RXFP2: variants seen among roughly 807,000 people sequenced by gnomAD.
The protein encoded by RXFP2 is relaxin receptor 2.
In RXFP2, 68 loss-of-function variants were observed where a neutral mutation model predicts 88.6. That is an observed-to-expected ratio of 0.77 (90% CI 0.63 to 0.94). RXFP2 has a LOEUF of 0.94. Ranked by LOEUF, RXFP2 falls within the 40% of genes least tolerant of loss-of-function variation. The pLI, the probability that RXFP2 is intolerant of heterozygous loss-of-function variation, is 0.00. For missense variants in RXFP2, 791 were observed against 893.9 expected, an observed-to-expected ratio of 0.88 and a Z score of 1.47; for synonymous variants, 329 against 306.8, an observed-to-expected ratio of 1.07 and a Z score of -0.76.
Position 31,797,288 on chromosome 13 carries a change from A to C in RXFP2, c.1874A>C (p.Glu625Ala). The C allele has an allele frequency of 6.2e-7, 1 of 1,613,982 alleles. No individual in the cohort carries two copies. Among genetic ancestry groups the C allele is most frequent in the South Asian group, 1.1e-5 (1 of 91,082 alleles). ...SIQKTALQTT[E>A]VRNCFGREVA... ...CAAAAAACCGCCTTGCAGACCACAG[A>C]AGTAAGGAATTGTTTTGGAAGAGAG... Residue 625 changes from glutamate (E) to alanine (A), a missense_variant, in exon 17 of 18, where the codon GAA becomes GCA. Physicochemically the swap from Glu to Ala is moderately radical, Grantham distance 107. Coordinates refer to ENST00000298386, the MANE Select transcript of RXFP2 (RefSeq NM_130806.5).
At chr13:31,750,423 C>T (rs1356560219) in intron 1 of RXFP2, among the ~76,000 whole-genome samples, 1 of 152,060 alleles carries the variant, frequency 6.6e-6, no homozygotes, top group Non-Finnish European at 1.5e-5. Flanking sequence ...TATATGGTAA[C>T]TCAGAGTTTT....
chr13:31,797,457 T>C, intron 17 of RXFP2, 38 bp downstream of exon 17: 1 of 1,478,892 alleles, frequency 6.8e-7, no homozygotes, highest in South Asian at 1.1e-5. Flanking sequence ...TAATACATCG[T>C]GCCTTCTTAC....
At position 31,765,967 on chromosome 13, in the gene RXFP2, A is replaced by G; in HGVS notation, c.437A>G (p.Lys146Arg). ...ACATGTTATTTTAGGTCTCTTAAGAAAAACAAAATCCACAGTCTTCCAGAT... is the reference window on the plus strand; with the variant it reads ...ACATGTTATTTTAGGTCTCTTAAGAGAAACAAAATCCACAGTCTTCCAGAT... ...SNNVTLLSLK[K>R]NKIHSLPDKV... The change falls in exon 5 of 18, where the codon AAA becomes AGA. Residue 146 changes from lysine to arginine, a missense_variant. Transcript: ENST00000298386. The G allele has an allele frequency of 2.6e-6, 4 of 1,528,358 alleles. No individual in the cohort carries two copies. Among genetic ancestry groups the G allele is most frequent in the Non-Finnish European group, 3.6e-6 (4 of 1,106,158 alleles). The allele number at this position is 1,528,358 out of a possible 1,614,324, so 94.7% of individuals were successfully genotyped here.
intron 5 of RXFP2, among the ~76,000 whole-genome samples, chr13:31,768,321 C>A (rs979917158): frequency 6.6e-6 from 1 of 152,160 alleles, no homozygotes; most frequent in African/African-American, 2.4e-5. Flanking sequence ...TAAACATTCA[C>A]CAAGTGTCTA....
chr13:31,786,695 C>T (rs1437211178), intron 13 of RXFP2, 58 bp downstream of exon 13: 11 of 1,100,980 alleles, frequency 1.0e-5, no homozygotes, highest in Non-Finnish European at 1.5e-5. Flanking sequence ...CTTAGAGACA[C>T]ATTTATTTTT....
intron 17 of RXFP2, among the ~76,000 whole-genome samples, chr13:31,798,965 T>C (rs1231778988): frequency 1.3e-5 from 2 of 152,316 alleles, no homozygotes; most frequent in South Asian, 4.1e-4. Flanking sequence ...ATGGTTTGTT[T>C]ACACCAGGTT....
chr13:31,739,990 A>G (rs1432543224), intron 1 of RXFP2, among the ~76,000 whole-genome samples: 1 of 152,180 alleles, frequency 6.6e-6, no homozygotes, highest in Non-Finnish European at 1.5e-5. Flanking sequence ...AAACATAGAA[A>G]ACATTTTTGG....
At chr13:31,788,094 C>T (rs1275163962) in intron 13 of RXFP2, among the ~76,000 whole-genome samples, 2 of 150,182 alleles carry the variant, frequency 1.3e-5, no homozygotes, top group African/African-American at 4.9e-5. Context: ...TCACAGAATC[C>T]ACATAAAGCT....
intron 13 of RXFP2, among the ~76,000 whole-genome samples, chr13:31,788,769 C>T (rs1001425342): frequency 2.0e-4 from 30 of 152,130 alleles, no homozygotes; most frequent in African/African-American, 7.2e-4. Context: ...TTGGAAAGAT[C>T]ATCTCCTGAA....
At chr13:31,779,994 A>G (rs9549074) in intron 9 of RXFP2, among the ~76,000 whole-genome samples, 7,676 of 152,322 alleles carry the variant, frequency 0.05, 237 homozygotes, top group Middle Eastern at 0.092. Context: ...TAGAAACTAA[A>G]CAAGTGCATA....
At chr13:31,790,366 A>G (rs1873736996) in intron 14 of RXFP2, among the ~76,000 whole-genome samples, 1 of 152,196 alleles carries the variant, frequency 6.6e-6, no homozygotes, top group African/African-American at 2.4e-5. Context: ...TGTGTGTGCC[A>G]GGGACTCCAG....
At position 31,800,187 on chromosome 13, in the gene RXFP2, C is replaced by T. The variant is rs181056072; in HGVS notation, c.2006-1959C>T. On this transcript the variant is annotated intron_variant, in intron 17 of 17. Coordinates refer to ENST00000298386, the MANE Select transcript of RXFP2 (RefSeq NM_130806.5). ...TTCACTGACCTAAACCAACCCTGTC[C>T]CCACCCTCCAAGAAGTCTGGCATTT... is the stretch of plus-strand genomic sequence containing the variant. 6.8e-4 allele frequency among the ~76,000 whole-genome samples: 104 copies of T among 152,268 alleles called. 1 individual carries two copies. The highest frequency in any genetic ancestry group is 2.5e-3 in the African/African-American group (102 of 41,546).
chr13:31,759,433 G>GAAAGAAAGAAAGAAAGAA (rs1872186701), intron 2 of RXFP2, among the ~76,000 whole-genome samples: 2 of 138,066 alleles, frequency 1.4e-5, no homozygotes, highest in Non-Finnish European at 3.2e-5. Context: ...AAGAAAGAAA[G>GAAAGAAAGAAAGAAAGAA]AAAGAAAGAA....
intron 1 of RXFP2, among the ~76,000 whole-genome samples, chr13:31,750,281 A>C (rs1871608960): frequency 6.6e-6 from 1 of 152,146 alleles, no homozygotes; most frequent in Admixed American, 6.5e-5. Flanking sequence ...ATGAAAGACA[A>C]TCTTTTCAAA....
intron 16 of RXFP2, among the ~76,000 whole-genome samples, chr13:31,796,030 G>A (rs1246161654): frequency 1.8e-5 from 2 of 113,954 alleles, no homozygotes; most frequent in Admixed American, 8.5e-5. Context: ...TTTGTTCTAT[G>A]TGTTATTCTT....
At chr13:31,763,747 T>C (rs1183177557) in intron 3 of RXFP2, among the ~76,000 whole-genome samples, 1 of 152,176 alleles carries the variant, frequency 6.6e-6, no homozygotes, top group African/African-American at 2.4e-5. Flanking sequence ...CACACCCAGC[T>C]TGACCATATG....
intron 5 of RXFP2, among the ~76,000 whole-genome samples, chr13:31,770,745 T>C (rs1032183405): frequency 1.3e-5 from 2 of 152,324 alleles, no homozygotes; most frequent in African/African-American, 4.8e-5. Context: ...TCTATTTTCA[T>C]GAAGCCCTCA....
chr13:31,764,863 T>C lies in RXFP2; in HGVS notation c.320-174T>C, dbSNP rs566675192. Reference sequence around the variant, plus strand: ...TAGAACTGAGATTAACACATTAGTCTGCATTTAAGTAGGAGAGAATTCTTA... The same window carrying C: ...TAGAACTGAGATTAACACATTAGTCCGCATTTAAGTAGGAGAGAATTCTTA... On this transcript the variant is annotated intron_variant, in intron 3 of 17. Coordinates refer to ENST00000298386, the MANE Select transcript of RXFP2 (RefSeq NM_130806.5). Among the ~76,000 whole-genome samples, 555 of 152,350 alleles carry C rather than the reference T, an allele frequency of 3.6e-3. 4 individuals are homozygous for C. Among genetic ancestry groups the C allele is most frequent in the African/African-American group, 0.012 (488 of 41,584 alleles).
At chr13:31,789,228 G>T in intron 14 of RXFP2, 35 bp downstream of exon 14, 6 of 1,301,928 alleles carry the variant, frequency 4.6e-6, no homozygotes, top group Non-Finnish European at 5.6e-6. Flanking sequence ...AGGAAGCATG[G>T]TAAAATGCTT....
Sources: gnomAD v4.1 joint callset for allele counts (sites outside exome capture counted in the v4.1 genomes callset) on GRCh38, gnomAD v4.1.1 for gene constraint, MANE v1.5 for transcripts, NCBI Gene and HGNC (gene_info 2026-07-23, HGNC 2026-07-21) for gene names.